The following GOLGA8J variants were observed in gnomAD, a reference collection of about 807,000 sequenced individuals.
The protein encoded by GOLGA8J is golgin subfamily A member 8J.
Under a neutral mutation model 67.7 loss-of-function variants are expected in GOLGA8J, and 19 were observed. That is an observed-to-expected ratio of 0.28 (90% CI 0.20 to 0.41). The LOEUF is 0.41. GOLGA8J is among the 10% of genes least tolerant of loss of function. The pLI, the probability that GOLGA8J is intolerant of heterozygous loss-of-function variation, is 1.00. For missense variants in GOLGA8J, 205 were observed against 584.3 expected (o/e 0.35, Z 6.69); for synonymous variants, 69 against 215.9 (o/e 0.32, Z 5.97).
At position 30,094,109 on chromosome 15, in the gene GOLGA8J, T is replaced by C. The variant is rs1187732911; in HGVS notation, c.*610T>C. On this transcript the variant is annotated 3_prime_UTR_variant, in exon 19 of 19. Transcript: ENST00000567927. ...TGTGTTGGTGATGGGAGTGATAACC[T>C]TTTGGGGGAGCTTTTTAAATCTCAC... is the stretch of plus-strand genomic sequence containing the variant. 2.0e-5 allele frequency among the ~76,000 whole-genome samples: 3 copies of C among 146,968 alleles called. No homozygotes were observed. Among genetic ancestry groups the C allele is most frequent in the Non-Finnish European group, 4.4e-5 (3 of 67,528 alleles).
chr15:30,092,551 G>A (rs1319649505), intron 15 of GOLGA8J, 157 bp from the exon 16 acceptor site: 1 of 645,654 alleles, frequency 1.5e-6, no homozygotes, highest in African/African-American at 2.1e-5. Flanking sequence ...CCCAGGGCCT[G>A]GGGGCGAGTC....
Position 30,094,084 on chromosome 15 carries a change from T to C in GOLGA8J, c.*585T>C, listed in dbSNP as rs192703558. ...GAAACAGCCTTTCCTCCATTTTCTG[T>C]GTGTTGGTGATGGGAGTGATAACCT... is the stretch of plus-strand genomic sequence containing the variant. On this transcript the variant is annotated 3_prime_UTR_variant, in exon 19 of 19. Coordinates refer to ENST00000567927, the MANE Select transcript of GOLGA8J (RefSeq NM_001282472.2). Among the ~76,000 whole-genome samples, 575 of 147,470 alleles carry C rather than the reference T, an allele frequency of 3.9e-3. 34 individuals are homozygous for C. Among genetic ancestry groups the C allele is most frequent in the Non-Finnish European group, 6.8e-3 (462 of 67,554 alleles).
chr15:30,094,906 C>A lies in GOLGA8J; in HGVS notation c.*1407C>A, dbSNP rs1382453780. 7.2e-6 allele frequency among the ~76,000 whole-genome samples: 1 copy of A among 137,948 alleles called. No homozygotes were observed. The highest frequency in any genetic ancestry group is 2.2e-4 in the South Asian group (1 of 4,454). The allele number at this position is 137,948 out of a possible 152,430, so 90.5% of individuals were successfully genotyped here. On this transcript the variant is annotated 3_prime_UTR_variant, in exon 19 of 19. Coordinates refer to ENST00000567927, the MANE Select transcript of GOLGA8J (RefSeq NM_001282472.2). ...ACAAACTGCAGTGCAATCTACTGTTCGTGAATGTCAATGTATTATCAGGAA... is the reference window on the plus strand; with the variant it reads ...ACAAACTGCAGTGCAATCTACTGTTAGTGAATGTCAATGTATTATCAGGAA...
In GOLGA8J at chr15:30,096,025, G is replaced by T. The variant is rs1299785278; in HGVS notation, c.*2526G>T. 7.5e-6 allele frequency among the ~76,000 whole-genome samples: 1 copy of T among 132,804 alleles called. No individual in the cohort carries two copies. Among genetic ancestry groups the T allele is most frequent in the Non-Finnish European group, 1.5e-5 (1 of 66,548 alleles). 87.1% of individuals were successfully genotyped at this position (132,804 alleles called of 152,430 possible). ...ACTCAAGTCTTTCTCCAAAGTGCAT[G>T]CAGTCTTTTGCGATACCTCATTCAG... is the stretch of plus-strand genomic sequence containing the variant. On this transcript the variant is annotated 3_prime_UTR_variant, in exon 19 of 19. Transcript: ENST00000567927.
chr15:30,089,544 C>T lies in GOLGA8J; in HGVS notation c.875-156C>T, dbSNP rs1459165148. Among the ~76,000 whole-genome samples the T allele has an allele frequency of 2.9e-5, 4 of 137,354 alleles. 1 individual carries two copies. Among genetic ancestry groups the T allele is most frequent in the Non-Finnish European group, 4.6e-5 (3 of 65,492 alleles). 90.1% of individuals were successfully genotyped at this position (137,354 alleles called of 152,430 possible). A position where few individuals can be genotyped will look rare whatever the true frequency, so the allele number is the denominator to read the frequency against. ...TTGTCAGCCACCCGCAGTGCTCTTTCTCTGAAAGTGCTTTGGAAGACTGGC... is the reference window on the plus strand; with the variant it reads ...TTGTCAGCCACCCGCAGTGCTCTTTTTCTGAAAGTGCTTTGGAAGACTGGC... On this transcript the variant is annotated intron_variant, in intron 11 of 18. Coordinates refer to ENST00000567927, the MANE Select transcript of GOLGA8J (RefSeq NM_001282472.2).
intron 12 of GOLGA8J, 63 bp downstream of exon 12, chr15:30,090,019 C>A (rs1211715049): frequency 1.4e-6 from 2 of 1,427,776 alleles, no homozygotes; most frequent in East Asian, 2.5e-5. Context: ...TGTTTCCCCA[C>A]CTCTAAAATG....
rs1339264822 is a variant in GOLGA8J, at chr15:30,092,059, C to T, written c.1294C>T (p.Leu432=). ...CCCCACAGGACACGGAGGAGAACATCTGGACAGTGAGGGGGAGGAGGCACC... is the reference window on the plus strand; with the variant it reads ...CCCCACAGGACACGGAGGAGAACATTTGGACAGTGAGGGGGAGGAGGCACC... The part of the protein sequence containing the change: ...LPGEGHGGEH[L]DSEGEEAPRP... Residue 432 remains leucine, a synonymous_variant, in exon 15 of 19, where the codon CTG becomes TTG. Transcript: ENST00000567927. The T allele has an allele frequency of 3.8e-6, 6 of 1,598,262 alleles. No individual in the cohort carries two copies. In the African/African-American group the frequency reaches 7.0e-5, roughly 19 times the overall value.
At position 30,088,987 on chromosome 15, in the gene GOLGA8J, C is replaced by A. The variant is rs2057367843; in HGVS notation, c.733C>A (p.Leu245Ile). 9 of 1,489,412 alleles carry A rather than the reference C, an allele frequency of 6.0e-6. No individual in the cohort carries two copies. The East Asian group carries it at 2.1e-4, about 35-fold the overall frequency. The allele number at this position is 1,489,412 out of a possible 1,614,324, so 92.3% of individuals were successfully genotyped here. The change falls in exon 10 of 19, where the codon CTA (leucine) becomes ATA (isoleucine). Residue 245 changes from leucine to isoleucine, a missense_variant. Leu to Ile is a conservative substitution (Grantham distance 5). Transcript: ENST00000567927. ...QLERDEYSEH[L>I]KGERARWQQR... The stretch of plus-strand genomic sequence containing the variant: ...AGAAAGAGATGAGTATTCTGAACAT[C>A]TAAAAGGAGAGAGGGCCCGGTGGCA...
chr15:30,094,696 C>T lies in GOLGA8J; in HGVS notation c.*1197C>T, dbSNP rs1353712764. Among the ~76,000 whole-genome samples, 25 of 124,756 alleles carry T rather than the reference C, an allele frequency of 2.0e-4. 3 individuals are homozygous for T. Among genetic ancestry groups the T allele is most frequent in the Non-Finnish European group, 3.0e-4 (20 of 65,906 alleles). 81.8% of individuals were successfully genotyped at this position (124,756 alleles called of 152,430 possible). ...TGGCTAATACCTATTCTTCAACCAC[C>T]TTGGTTACTCTGACATAGGAATTTA... is the stretch of plus-strand genomic sequence containing the variant. On this transcript the variant is annotated 3_prime_UTR_variant, in exon 19 of 19. Coordinates refer to ENST00000567927, the MANE Select transcript of GOLGA8J (RefSeq NM_001282472.2).
At chr15:30,090,380 T>A in intron 13 of GOLGA8J, 100 bp downstream of exon 13, 2 of 1,516,040 alleles carry the variant, frequency 1.3e-6, no homozygotes, top group South Asian at 2.4e-5. Flanking sequence ...GCTTCCAGCC[T>A]GGGGGCTGGT....
chr15:30,094,292 T>C lies in GOLGA8J; in HGVS notation c.*793T>C, dbSNP rs1429688686. 9.5e-5 allele frequency among the ~76,000 whole-genome samples: 14 copies of C among 147,184 alleles called. 1 individual carries two copies. Among genetic ancestry groups the C allele is most frequent in the East Asian group, 8.0e-4 (4 of 5,000 alleles). ...ACTGCATCATGAGCTGCAGCAGTTGTACTCTTTTTCGATGACCTAAAAAGG... is the reference window on the plus strand; with the variant it reads ...ACTGCATCATGAGCTGCAGCAGTTGCACTCTTTTTCGATGACCTAAAAAGG... On this transcript the variant is annotated 3_prime_UTR_variant, in exon 19 of 19. Coordinates refer to ENST00000567927, the MANE Select transcript of GOLGA8J (RefSeq NM_001282472.2).
At position 30,089,499 on chromosome 15, in the gene GOLGA8J, C is replaced by T. The variant is rs528390553; in HGVS notation, c.874+176C>T. Among the ~76,000 whole-genome samples the T allele has an allele frequency of 1.3e-4, 18 of 135,678 alleles. 2 individuals carry two copies. The East Asian group carries it at 3.7e-3, about 28-fold the overall frequency. The allele number at this position is 135,678 out of a possible 152,430, so 89.0% of individuals were successfully genotyped here. A position where few individuals can be genotyped will look rare whatever the true frequency, so the allele number is the denominator to read the frequency against. On this transcript the variant is annotated intron_variant, in intron 11 of 18. Transcript: ENST00000567927. Reference sequence around the variant, plus strand: ...AATGAGTCTCAGTGTCTCAGTGTCCCCATCAGCAAAGAGGGCCCATTGTCA... The same window carrying T: ...AATGAGTCTCAGTGTCTCAGTGTCCTCATCAGCAAAGAGGGCCCATTGTCA...
chr15:30,088,510 C>T (rs2057360889), intron 8 of GOLGA8J, among the ~76,000 whole-genome samples: 1 of 146,812 alleles, frequency 6.8e-6, no homozygotes, highest in East Asian at 2.0e-4. Flanking sequence ...ATAACAATAG[C>T]AATATTATCT....
chr15:30,092,035 C>T lies in GOLGA8J; in HGVS notation c.1277-7C>T, dbSNP rs969224344. On this transcript the variant is annotated splice_region_variant and splice_polypyrimidine_tract_variant and intron_variant, in intron 14 of 18. Transcript: ENST00000567927. ...TGTCTGAAGACCCGTCTGACCACCCCCCACAGGACACGGAGGAGAACATCT... is the reference window on the plus strand; with the variant it reads ...TGTCTGAAGACCCGTCTGACCACCCTCCACAGGACACGGAGGAGAACATCT... The T allele has an allele frequency of 3.1e-6, 5 of 1,598,346 alleles. 1 individual carries two copies. Among genetic ancestry groups the T allele is most frequent in the Non-Finnish European group, 4.3e-6 (5 of 1,174,058 alleles).
rs1200775556 is a variant in GOLGA8J at position 30,093,169 on chromosome 15, C to G, written c.1653C>G (p.His551Gln). The G allele has an allele frequency of 8.5e-6, 13 of 1,528,682 alleles. 1 individual carries two copies. The highest frequency in any genetic ancestry group is 1.1e-5 in the Non-Finnish European group (13 of 1,146,754). 94.7% of individuals were successfully genotyped at this position (1,528,682 alleles called of 1,614,324 possible). A position where few individuals can be genotyped will look rare whatever the true frequency, so the allele number is the denominator to read the frequency against. ...ACAGAAAATTCCTGGCCGCTGCCCA[C>G]AACTCTGCTGATGAGCCCGGTCCAG... ...NGHRKFLAAA[H>Q]NSADEPGPGA... Residue 551 changes from histidine to glutamine, a missense_variant, in exon 18 of 19, where the codon CAC (histidine) becomes CAG (glutamine). Transcript: ENST00000567927.
rs1485308007 is a variant in GOLGA8J at position 30,094,454 on chromosome 15, T to C, written c.*955T>C. ...CCTGTTTTAATCACATGACTACATG[T>C]CCCAGTACACAAAAGGGCACTGGTT... On this transcript the variant is annotated 3_prime_UTR_variant, in exon 19 of 19. Transcript: ENST00000567927. 4.2e-5 allele frequency among the ~76,000 whole-genome samples: 6 copies of C among 141,834 alleles called. No individual in the cohort carries two copies. Among genetic ancestry groups the C allele is most frequent in the African/African-American group, 9.0e-5 (3 of 33,476 alleles). 93.0% of individuals were successfully genotyped at this position (141,834 alleles called of 152,430 possible).
In GOLGA8J at chr15:30,095,488, A is replaced by G. The variant is rs1301284927; in HGVS notation, c.*1989A>G. On this transcript the variant is annotated 3_prime_UTR_variant, in exon 19 of 19. Coordinates refer to ENST00000567927, the MANE Select transcript of GOLGA8J (RefSeq NM_001282472.2). ...AGACCAAATAATGCAGCTAATTAAC[A>G]GTGGTACGATTTGTAGCCCGTGGGT... is the stretch of plus-strand genomic sequence containing the variant. Among the ~76,000 whole-genome samples the G allele has an allele frequency of 1.4e-5, 2 of 146,184 alleles. No homozygotes were observed. The highest frequency in any genetic ancestry group is 5.2e-5 in the African/African-American group (2 of 38,540).
In GOLGA8J at chr15:30,085,035, C is replaced by A. The variant is rs1240572601; in HGVS notation, c.168+145C>A. Reference sequence around the variant, plus strand: ...TGGTGGCCCACGCCTGTAATCCTAGCACTTTGGGAGGCCAAGGCAGGCGGA... The same window carrying A: ...TGGTGGCCCACGCCTGTAATCCTAGAACTTTGGGAGGCCAAGGCAGGCGGA... On this transcript the variant is annotated intron_variant, in intron 2 of 18. Coordinates refer to ENST00000567927, the MANE Select transcript of GOLGA8J (RefSeq NM_001282472.2). The A allele has an allele frequency of 3.3e-5, 16 of 481,308 alleles. 4 individuals carry two copies. Among genetic ancestry groups the A allele is most frequent in the South Asian group, 2.5e-4 (11 of 44,552 alleles). The allele number at this position is 481,308 out of a possible 1,614,324, so 29.8% of individuals were successfully genotyped here.
rs2057446653 is a variant in GOLGA8J at position 30,094,279 on chromosome 15, G to C, written c.*780G>C. ...GGCTCATGAAGATACTGCATCATGA[G>C]CTGCAGCAGTTGTACTCTTTTTCGA... On this transcript the variant is annotated 3_prime_UTR_variant, in exon 19 of 19. Transcript: ENST00000567927. 6.8e-6 allele frequency among the ~76,000 whole-genome samples: 1 copy of C among 146,694 alleles called. No individual in the cohort carries two copies. Among genetic ancestry groups the C allele is most frequent in the Non-Finnish European group, 1.5e-5 (1 of 67,572 alleles).
Sources: allele counts gnomAD v4.1 joint callset (sites outside exome capture counted in the v4.1 genomes callset), GRCh38; gene constraint gnomAD v4.1.1; transcripts MANE v1.5; gene names NCBI Gene and HGNC (gene_info 2026-07-23, HGNC 2026-07-21).